Variants in ATF2 observed in about 807,000 individuals in gnomAD.
ATF2 encodes cyclic AMP-dependent transcription factor ATF-2.
Under a neutral mutation model 60.6 loss-of-function variants are expected in ATF2, and 24 were observed. The observed-to-expected ratio is 0.40, with a 90% CI of 0.29 to 0.56. The LOEUF is 0.56. Ranked by LOEUF, ATF2 falls within the 20% of genes least tolerant of loss-of-function variation. The pLI, the probability that ATF2 is intolerant of heterozygous loss-of-function variation, is 0.54. For missense variants in ATF2, 433 were observed against 607.7 expected (o/e 0.71, Z 3.02); for synonymous variants, 206 against 215.4 (o/e 0.96, Z 0.38).
At position 175,140,999 on chromosome 2, in the gene ATF2, GAAAAAAAAAAAAAAAA is replaced by G. The variant is rs869208203; in HGVS notation, c.-43-4529_-43-4514del. Among the ~76,000 whole-genome samples the G allele has an allele frequency of 3.7e-4, 10 of 26,772 alleles. 1 individual carries two copies. Among genetic ancestry groups the G allele is most frequent in the South Asian group, 2.5e-3 (1 of 406 alleles). The allele number at this position is 26,772 out of a possible 152,430, so 17.6% of individuals were successfully genotyped here. A position where few individuals can be genotyped will look rare whatever the true frequency, so the allele number is the denominator to read the frequency against. On this transcript the variant is annotated intron_variant, in intron 2 of 13. Transcript: ENST00000264110. Reference sequence around the variant, plus strand: ...GGGATAGAGCAAGACCCTATCTCAGGAAAAAAAAAAAAAAAAAAAAAAAAAAAAAAAATATATATAT... The same window carrying G: ...GGGATAGAGCAAGACCCTATCTCAGGAAAAAAAAAAAAAAAATATATATAT...
chr2:175,137,981 T>C (rs1011701715), intron 2 of ATF2, among the ~76,000 whole-genome samples: 4 of 152,204 alleles, frequency 2.6e-5, no homozygotes, highest in Admixed American at 6.5e-5. Flanking sequence ...TTATCTCCTT[T>C]TTATTGCAGT....
At position 175,074,361 on chromosome 2, in the gene ATF2, G is replaced by A. The variant is rs1401530013; in HGVS notation, c.*248C>T. On this transcript the variant is annotated 3_prime_UTR_variant, in exon 14 of 14. Coordinates refer to ENST00000264110, the MANE Select transcript of ATF2 (RefSeq NM_001880.4). Reference sequence around the variant, plus strand: ...TGAATTATAATACAATTTACACATTGAGCACAGAAAAATTAATAAATCTAA... The same window carrying A: ...TGAATTATAATACAATTTACACATTAAGCACAGAAAAATTAATAAATCTAA... The A allele has an allele frequency of 6.9e-6, 2 of 289,502 alleles. No individual in the cohort carries two copies. The highest frequency in any genetic ancestry group is 1.3e-5 in the Non-Finnish European group (2 of 157,264). The allele number at this position is 289,502 out of a possible 1,614,324, so 17.9% of individuals were successfully genotyped here. A position where few individuals can be genotyped will look rare whatever the true frequency, so the allele number is the denominator to read the frequency against.
chr2:175,114,729 G>A lies in ATF2; in HGVS notation c.587C>T (p.Thr196Ile). 6.2e-7 allele frequency: 1 copy of A among 1,613,966 alleles called. No individual in the cohort carries two copies. Among genetic ancestry groups the A allele is most frequent in the Non-Finnish European group, 8.5e-7 (1 of 1,179,910 alleles). ...QQAVPSPTSSTVITQAPSSNR... is the reference protein window; with the variant it reads ...QQAVPSPTSSIVITQAPSSNR... ...AGAGGATGGTGCCTGGGTGATTACA[G>A]TACTTGAGGTTGGTGAAGGTACTGC... is the stretch of plus-strand genomic sequence containing the variant. The change falls in exon 8 of 14, where the codon ACT becomes ATT. Residue 196 changes from threonine (T) to isoleucine (I), a missense_variant. Physicochemically the swap from Thr to Ile is moderately conservative, Grantham distance 89. Transcript: ENST00000264110.
chr2:175,122,287 A>G (rs1697016018), intron 4 of ATF2, among the ~76,000 whole-genome samples: 1 of 152,028 alleles, frequency 6.6e-6, no homozygotes, highest in African/African-American at 2.4e-5. Flanking sequence ...CAACATAATA[A>G]ATGCATTATC....
At chr2:175,111,890 C>T (rs1429088578) in intron 9 of ATF2, among the ~76,000 whole-genome samples, 1 of 152,130 alleles carries the variant, frequency 6.6e-6, no homozygotes, top group Non-Finnish European at 1.5e-5. Context: ...CAATTTCTTT[C>T]TTAATGGTCC....
At chr2:175,135,630 AG>A (rs1214099384) in intron 3 of ATF2, among the ~76,000 whole-genome samples, 5 of 152,238 alleles carry the variant, frequency 3.3e-5, no homozygotes, top group African/African-American at 1.2e-4. Flanking sequence ...GCAAAGGAAG[AG>A]GGTTGCTGTT....
chr2:175,105,680 G>A (rs147195347), intron 10 of ATF2, among the ~76,000 whole-genome samples: 151 of 152,260 alleles, frequency 9.9e-4, no homozygotes, highest in African/African-American at 3.5e-3. Flanking sequence ...TACCAGTTCA[G>A]GTTACTGTAC....
At chr2:175,152,916 A>C (rs1428291309) in intron 1 of ATF2, among the ~76,000 whole-genome samples, 1 of 152,236 alleles carries the variant, frequency 6.6e-6, no homozygotes, top group Admixed American at 6.5e-5. Context: ...AAATTTCTGC[A>C]AATTGTTTCT....
intron 10 of ATF2, among the ~76,000 whole-genome samples, chr2:175,104,177 T>C (rs1481515859): frequency 6.6e-6 from 1 of 152,110 alleles, no homozygotes; most frequent in African/African-American, 2.4e-5. Context: ...AAAAACATCC[T>C]ATGTTAGCAT....
intron 1 of ATF2, among the ~76,000 whole-genome samples, chr2:175,152,900 A>G (rs1699405499): frequency 6.6e-6 from 1 of 152,250 alleles, no homozygotes; most frequent in Admixed American, 6.5e-5. Flanking sequence ...TCTTCTTGAT[A>G]GAGATAAATT....
In ATF2 at chr2:175,118,269, T is replaced by C. The variant is rs962361266; in HGVS notation, c.300A>G (p.Ser100=). ...AACATACTTTTTTAATGTCATCTTCTGAAGCTTTCTTGAATTCATTCTCAA... is the reference window on the plus strand; with the variant it reads ...AACATACTTTTTTAATGTCATCTTCCGAAGCTTTCTTGAATTCATTCTCAA... The part of the protein sequence containing the change: ...SPFENEFKKA[S]EDDIKKMPLD... The change falls in exon 6 of 14, where the codon TCA becomes TCG. Residue 100 remains serine (S), a synonymous_variant. Transcript: ENST00000264110. 1.2e-6 allele frequency: 2 copies of C among 1,608,714 alleles called. No homozygotes were observed. The highest frequency in any genetic ancestry group is 2.7e-5 in the African/African-American group (2 of 74,762).
chr2:175,077,138 T>G (rs1402502738), intron 13 of ATF2, among the ~76,000 whole-genome samples: 3 of 152,138 alleles, frequency 2.0e-5, no homozygotes, highest in Non-Finnish European at 4.4e-5. Flanking sequence ...CATCATTTTT[T>G]ATGGCTGCAT....
rs1170646409 is a variant in ATF2, at chr2:175,141,114, A to G, written c.-43-4628T>C. Reference sequence around the variant, plus strand: ...ACACACACACACAAATATCCTTAAAATATCAACTTCAAGGTTTGTGAAATA... The same window carrying G: ...ACACACACACACAAATATCCTTAAAGTATCAACTTCAAGGTTTGTGAAATA... On this transcript the variant is annotated intron_variant, in intron 2 of 13. Coordinates refer to ENST00000264110, the MANE Select transcript of ATF2 (RefSeq NM_001880.4). 2.7e-5 allele frequency among the ~76,000 whole-genome samples: 4 copies of G among 147,170 alleles called. No homozygotes were observed. The East Asian group carries it at 6.0e-4, about 22-fold the overall frequency.
At chr2:175,153,383 T>C (rs1433736013) in intron 1 of ATF2, among the ~76,000 whole-genome samples, 1 of 152,218 alleles carries the variant, frequency 6.6e-6, no homozygotes, top group Non-Finnish European at 1.5e-5. Flanking sequence ...CTTCAGACTA[T>C]ACTCACACAA....
chr2:175,107,823 C>A (rs1388671755), intron 10 of ATF2, among the ~76,000 whole-genome samples: 4 of 152,184 alleles, frequency 2.6e-5, no homozygotes, highest in Non-Finnish European at 5.9e-5. Context: ...CCAGCCTCGG[C>A]CCCCCGAGGT....
At chr2:175,154,739 G>A (rs562276444) in intron 1 of ATF2, among the ~76,000 whole-genome samples, 1 of 152,270 alleles carries the variant, frequency 6.6e-6, no homozygotes, top group African/African-American at 2.4e-5. Flanking sequence ...GTGGTCTGCT[G>A]ACTCAAAATG....
intron 5 of ATF2, among the ~76,000 whole-genome samples, chr2:175,120,674 G>A (rs780781310): frequency 2.8e-4 from 42 of 151,626 alleles, no homozygotes; most frequent in Non-Finnish European, 4.7e-4. Context: ...GTAAATCTGT[G>A]ATGACACAAA....
intron 1 of ATF2, among the ~76,000 whole-genome samples, chr2:175,153,835 G>GA (rs71031093): frequency 0.85 from 109,104 of 128,974 alleles, 45,938 homozygotes; most frequent in East Asian, 0.99. Flanking sequence ...CTGCCTCAAA[G>GA]AAAAAAAAAA....
chr2:175,149,550 A>AAACAAC (rs369217450), intron 2 of ATF2, among the ~76,000 whole-genome samples: 1 of 152,182 alleles, frequency 6.6e-6, no homozygotes, highest in African/African-American at 2.4e-5. Context: ...AGGTAAATCT[A>AAACAAC]AACAACAACA....
Sources: allele counts gnomAD v4.1 joint callset (sites outside exome capture counted in the v4.1 genomes callset), GRCh38; gene constraint gnomAD v4.1.1; transcripts MANE v1.5; gene names NCBI Gene and HGNC (gene_info 2026-07-23, HGNC 2026-07-21).